ITGA1: variants seen among roughly 807,000 people sequenced by gnomAD.
ITGA1 encodes integrin alpha-1.
A neutral mutation model predicts 145.9 loss-of-function variants in ITGA1; 85 were observed. The observed-to-expected ratio is 0.58, with a 90% CI of 0.49 to 0.70. ITGA1 has a LOEUF of 0.70. ITGA1 is among the 30% of genes least tolerant of loss of function. The pLI, the probability that ITGA1 is intolerant of heterozygous loss-of-function variation, is 0.00. For synonymous variants in ITGA1, 520 were observed against 495.3 expected (o/e 1.05, Z -0.66); for missense variants, 1,351 against 1,418.7 (o/e 0.95, Z 0.77).
At chr5:52,932,306 C>T in intron 22 of ITGA1, 170 bp downstream of exon 22, 2 of 563,368 alleles carry the variant, frequency 3.6e-6, no homozygotes, top group South Asian at 4.9e-5. Flanking sequence ...TGGGGTTAAA[C>T]AAGCCTTCCA....
intron 1 of ITGA1, among the ~76,000 whole-genome samples, chr5:52,796,619 T>C (rs1489647329): frequency 1.3e-5 from 2 of 152,068 alleles, no homozygotes; most frequent in Non-Finnish European, 2.9e-5. Flanking sequence ...CCTTAAGAAA[T>C]GTCTTGAAAT....
intron 13 of ITGA1, among the ~76,000 whole-genome samples, chr5:52,909,714 C>T (rs1299296826): frequency 6.7e-6 from 1 of 150,024 alleles, no homozygotes; most frequent in Middle Eastern, 3.2e-3. Context: ...GCTGTTTTGT[C>T]CTTTTTCCAA....
intron 2 of ITGA1, among the ~76,000 whole-genome samples, chr5:52,855,737 A>T (rs571931443): frequency 3.6e-4 from 55 of 152,230 alleles, no homozygotes; most frequent in African/African-American, 1.3e-3. Context: ...CTTTTCTAGG[A>T]TCTTGTTATT....
chr5:52,904,970 T>A (rs894982397), intron 11 of ITGA1: 2 of 152,136 alleles, frequency 1.3e-5, no homozygotes, highest in African/African-American at 4.8e-5. Context: ...GTTTAACACC[T>A]ATTAAAACAT....
intron 1 of ITGA1, among the ~76,000 whole-genome samples, chr5:52,793,033 G>A (rs991426149): frequency 6.6e-6 from 1 of 152,058 alleles, no homozygotes; most frequent in East Asian, 1.9e-4. Context: ...TGCATAAGTA[G>A]TTACTCCCAC....
rs566900441 is a variant in ITGA1, at chr5:52,800,265, C to T, written c.61+11851C>T. 2.7e-5 allele frequency: 24 copies of T among 900,010 alleles called. No homozygotes were observed. In the Admixed American group the frequency reaches 3.7e-4, roughly 14 times the overall value. The allele number at this position is 900,010 out of a possible 1,614,324, so 55.8% of individuals were successfully genotyped here. A position where few individuals can be genotyped will look rare whatever the true frequency, so the allele number is the denominator to read the frequency against. ...GAGTCGAAGCAAGCGTGTTTCCTTCCCGCCAGGCAAGTGCCCTTAGAAACC... is the reference window on the plus strand; with the variant it reads ...GAGTCGAAGCAAGCGTGTTTCCTTCTCGCCAGGCAAGTGCCCTTAGAAACC... On this transcript the variant is annotated intron_variant, in intron 1 of 28. Coordinates refer to ENST00000282588, the MANE Select transcript of ITGA1 (RefSeq NM_181501.2).
intron 8 of ITGA1, among the ~76,000 whole-genome samples, chr5:52,892,748 A>G (rs1470082344): frequency 6.6e-6 from 1 of 152,182 alleles, no homozygotes; most frequent in Non-Finnish European, 1.5e-5. Flanking sequence ...AAATGGCTAC[A>G]TACTATATGA....
intron 1 of ITGA1, among the ~76,000 whole-genome samples, chr5:52,839,420 G>A (rs996635396): frequency 3.3e-5 from 5 of 152,158 alleles, no homozygotes; most frequent in Non-Finnish European, 5.9e-5. Flanking sequence ...ATTAGGGAAA[G>A]GGAGAATAGC....
intron 15 of ITGA1, among the ~76,000 whole-genome samples, chr5:52,916,370 G>A (rs553108145): frequency 1.1e-4 from 17 of 152,186 alleles, no homozygotes; most frequent in South Asian, 2.1e-4. Flanking sequence ...GACTTTATGG[G>A]AAGTCCGCAT....
chr5:52,804,397 CT>C (rs1265004577), intron 1 of ITGA1, among the ~76,000 whole-genome samples: 1 of 152,200 alleles, frequency 6.6e-6, no homozygotes, highest in Non-Finnish European at 1.5e-5. Flanking sequence ...ACAGCTACTC[CT>C]GGTCCCTCAT....
At chr5:52,896,555 C>A (rs1342440857) in intron 9 of ITGA1, among the ~76,000 whole-genome samples, 1 of 152,162 alleles carries the variant, frequency 6.6e-6, no homozygotes, top group Non-Finnish European at 1.5e-5. Flanking sequence ...TAGTTACATT[C>A]ACAAATTTGA....
chr5:52,900,322 T>A (rs1750294735), intron 11 of ITGA1, among the ~76,000 whole-genome samples: 1 of 152,174 alleles, frequency 6.6e-6, no homozygotes, highest in Non-Finnish European at 1.5e-5. Flanking sequence ...GGATGACATA[T>A]AAATTAGTAA....
At chr5:52,812,036 G>T (rs1253844939) in intron 1 of ITGA1, among the ~76,000 whole-genome samples, 1 of 152,178 alleles carries the variant, frequency 6.6e-6, no homozygotes, top group Non-Finnish European at 1.5e-5. Context: ...TAAACCAGGA[G>T]TGTCATCACT....
chr5:52,939,698 T>A lies in ITGA1; in HGVS notation c.3180+7T>A. The A allele has an allele frequency of 6.3e-7, 1 of 1,589,880 alleles. No individual in the cohort carries two copies. Among genetic ancestry groups the A allele is most frequent in the Non-Finnish European group, 8.6e-7 (1 of 1,158,646 alleles). On this transcript the variant is annotated splice_region_variant and intron_variant, in intron 25 of 28. Transcript: ENST00000282588. Reference sequence around the variant, plus strand: ...CAAACGAGGCACAATTCTGGTAAATTAAGACAAGTGCTATTTTTACCTTTT... The same window carrying A: ...CAAACGAGGCACAATTCTGGTAAATAAAGACAAGTGCTATTTTTACCTTTT...
intron 8 of ITGA1, among the ~76,000 whole-genome samples, chr5:52,891,106 GT>G (rs1163474340): frequency 6.6e-6 from 1 of 151,892 alleles, no homozygotes; most frequent in Non-Finnish European, 1.5e-5. Flanking sequence ...GATATACCAT[GT>G]TTTTTTAAAT....
At chr5:52,884,584 A>G (rs77005948) in intron 7 of ITGA1, among the ~76,000 whole-genome samples, 4,042 of 152,310 alleles carry the variant, frequency 0.027, 203 homozygotes, top group African/African-American at 0.093. Context: ...GAAGAGAGAT[A>G]GGGCTCAGCT....
intron 1 of ITGA1, among the ~76,000 whole-genome samples, chr5:52,825,693 G>A (rs1024729548): frequency 6.6e-6 from 1 of 152,114 alleles, no homozygotes; most frequent in Non-Finnish European, 1.5e-5. Flanking sequence ...GCCAACACAG[G>A]CAGATCACAA....
intron 21 of ITGA1, among the ~76,000 whole-genome samples, chr5:52,930,144 G>C (rs1240529996): frequency 6.6e-6 from 1 of 152,092 alleles, no homozygotes; most frequent in Non-Finnish European, 1.5e-5. Context: ...AGGTATCATA[G>C]AACACACAGA....
intron 15 of ITGA1, among the ~76,000 whole-genome samples, chr5:52,917,388 CA>C (rs1452968960): frequency 6.6e-6 from 1 of 152,180 alleles, no homozygotes; most frequent in Non-Finnish European, 1.5e-5. Flanking sequence ...TGTAAAGATA[CA>C]ATCTAGAAGT....
Sources: gnomAD v4.1 joint callset for allele counts (sites outside exome capture counted in the v4.1 genomes callset) on GRCh38, gnomAD v4.1.1 for gene constraint, MANE v1.5 for transcripts, NCBI Gene and HGNC (gene_info 2026-07-23, HGNC 2026-07-21) for gene names.